USP48: variants seen among roughly 807,000 people sequenced by gnomAD.
The protein encoded by USP48 is ubiquitin specific peptidase 48.
Under a neutral mutation model 150.7 loss-of-function variants are expected in USP48, and 43 were observed. The ratio of observed to expected loss-of-function variants is 0.29; its 90% confidence interval spans 0.22 to 0.37. The LOEUF is 0.37. Ranked by LOEUF, USP48 falls within the 10% of genes least tolerant of loss-of-function variation. USP48 has a pLI of 1.00. For missense variants in USP48, 813 were observed against 1,249.6 expected (o/e 0.65, Z 5.27); for synonymous variants, 396 against 425.9 (o/e 0.93, Z 0.86).
At chr1:21,770,585 G>T (rs1212410249) in intron 1 of USP48, among the ~76,000 whole-genome samples, 1 of 149,932 alleles carries the variant, frequency 6.7e-6, no homozygotes, top group Non-Finnish European at 1.5e-5. Context: ...AGGTTCAAGC[G>T]ATTCTCCTGC....
chr1:21,747,541 G>C (rs1372072371), intron 7 of USP48, among the ~76,000 whole-genome samples: 2 of 151,904 alleles, frequency 1.3e-5, no homozygotes, highest in Admixed American at 6.6e-5. Flanking sequence ...CAATACAGAA[G>C]GTCAGGGTAA....
intron 23 of USP48, among the ~76,000 whole-genome samples, chr1:21,694,107 C>G (rs2097613605): frequency 6.6e-6 from 1 of 152,086 alleles, no homozygotes; most frequent in African/African-American, 2.4e-5. Context: ...ATTTATAGTA[C>G]TTCAGTATTG....
At chr1:21,697,518 C>A (rs1392301371) in intron 22 of USP48, among the ~76,000 whole-genome samples, 1 of 151,862 alleles carries the variant, frequency 6.6e-6, no homozygotes, top group Non-Finnish European at 1.5e-5. Flanking sequence ...AAAAAATTAG[C>A]CGGGCTTGGT....
intron 25 of USP48, chr1:21,686,476 T>C (rs1444400587): frequency 1.9e-5 from 2 of 107,272 alleles, no homozygotes; most frequent in Non-Finnish European, 3.8e-5. Context: ...GCTGATGTGA[T>C]GTATTGGTTT....
chr1:21,718,948 T>C (rs1029892704), intron 14 of USP48, among the ~76,000 whole-genome samples: 7 of 152,160 alleles, frequency 4.6e-5, no homozygotes, highest in African/African-American at 1.2e-4. Context: ...ATGAATTATA[T>C]AGCACAATAA....
chr1:21,679,989 C>T (rs1024306800), intron 26 of USP48, among the ~76,000 whole-genome samples: 9 of 152,158 alleles, frequency 5.9e-5, no homozygotes, highest in African/African-American at 1.4e-4. Context: ...CCACCATGCC[C>T]GGCCAATGAC....
intron 23 of USP48, among the ~76,000 whole-genome samples, chr1:21,694,585 AAAAAAAAAAAAAAAAAAAAAAAC>A (rs2097617436): frequency 3.2e-5 from 4 of 124,430 alleles, no homozygotes; most frequent in Admixed American, 8.1e-5. Flanking sequence ...AAAAAAAAAA[AAAAAAAAAAAAAAAAAAAAAAAC>A]CCCCTCTATC....
chr1:21,754,338 G>A (rs574293095), intron 3 of USP48, among the ~76,000 whole-genome samples: 19 of 152,194 alleles, frequency 1.2e-4, no homozygotes, highest in African/African-American at 4.3e-4. Flanking sequence ...TGTGGACTTG[G>A]GATCTCAAGC....
chr1:21,720,508 T>C (rs2097717274), intron 14 of USP48, among the ~76,000 whole-genome samples: 1 of 151,828 alleles, frequency 6.6e-6, no homozygotes, highest in African/African-American at 2.4e-5. Context: ...CCAATTTTGC[T>C]CATTTTTTGG....
At chr1:21,747,581 T>G (rs2097797666) in intron 7 of USP48, among the ~76,000 whole-genome samples, 2 of 152,156 alleles carry the variant, frequency 1.3e-5, no homozygotes, top group South Asian at 4.1e-4. Context: ...TCTTTCTTTT[T>G]TTTTTTCCAA....
Position 21,729,910 on chromosome 1 carries a change from A to G in USP48, c.1172-78T>C, listed in dbSNP as rs1000832988. On this transcript the variant is annotated intron_variant, in intron 9 of 26. Transcript: ENST00000308271. ...ATTCTTTAGCGGGGCTATAGAAAAC[A>G]ATTTCCAAAATATACACCCAAGACA... is the stretch of plus-strand genomic sequence containing the variant. 6 of 1,572,460 alleles carry G rather than the reference A, an allele frequency of 3.8e-6. No individual in the cohort carries two copies. The African/African-American group carries it at 8.1e-5, about 21-fold the overall frequency.
At chr1:21,741,759 T>C (rs1236738765) in intron 8 of USP48, among the ~76,000 whole-genome samples, 1 of 152,106 alleles carries the variant, frequency 6.6e-6, no homozygotes, top group Non-Finnish European at 1.5e-5. Context: ...GAGGACTGCT[T>C]AAGGCCGTAA....
intron 25 of USP48, among the ~76,000 whole-genome samples, chr1:21,683,705 A>G (rs546592223): frequency 6.6e-6 from 1 of 152,272 alleles, no homozygotes; most frequent in East Asian, 1.9e-4. Context: ...GAAATATACA[A>G]CATATCACCC....
chr1:21,722,637 G>A (rs2097724664), intron 12 of USP48, among the ~76,000 whole-genome samples: 1 of 151,936 alleles, frequency 6.6e-6, no homozygotes, highest in South Asian at 2.1e-4. Context: ...TTGAGCCTAG[G>A]AGTTCAAGAC....
intron 5 of USP48, 150 bp from the exon 6 acceptor site, chr1:21,751,765 A>C: frequency 1.5e-6 from 1 of 673,220 alleles, no homozygotes; most frequent in Non-Finnish European, 2.5e-6. Flanking sequence ...ATGAAATATA[A>C]TCCCAGCATT....
At chr1:21,692,313 T>G (rs1341692583) in intron 23 of USP48, among the ~76,000 whole-genome samples, 1 of 152,044 alleles carries the variant, frequency 6.6e-6, no homozygotes, top group East Asian at 1.9e-4. Context: ...CAGCTCAGCA[T>G]GCAAACATCA....
intron 26 of USP48, among the ~76,000 whole-genome samples, chr1:21,679,930 G>C (rs1421169883): frequency 6.6e-6 from 1 of 151,920 alleles, no homozygotes; most frequent in African/African-American, 2.4e-5. Flanking sequence ...CTGACCTCAA[G>C]TGACCCACCC....
In USP48 at chr1:21,701,592, T is replaced by C. The variant is rs2097657137; in HGVS notation, c.2633A>G (p.Asp878Gly). 1 of 1,613,640 alleles carries C rather than the reference T, an allele frequency of 6.2e-7. No homozygotes were observed. Among genetic ancestry groups the C allele is most frequent in the Non-Finnish European group, 8.5e-7 (1 of 1,179,756 alleles). Reference protein sequence around the residue: ...KVVDNKKVMKDSAPELNVSSS... With the variant: ...KVVDNKKVMKGSAPELNVSSS... The stretch of plus-strand genomic sequence containing the variant: ...ACTCACATTCAGTTCCGGAGCCGAA[T>C]CCTTCATCACCTGAATGTGCCAGGA... The change falls in exon 22 of 27, where the codon GAT becomes GGT. Residue 878 changes from aspartate (D) to glycine (G), a missense_variant. Asp to Gly is a moderately conservative substitution (Grantham distance 94). Transcript: ENST00000308271.
At chr1:21,751,721 T>C in intron 5 of USP48, 106 bp from the exon 6 acceptor site, 1 of 835,596 alleles carries the variant, frequency 1.2e-6, no homozygotes, top group Non-Finnish European at 1.9e-6. Context: ...TAACTTTCAT[T>C]AGTTCTCCTT....
Sources: gnomAD v4.1 joint callset for allele counts (sites outside exome capture counted in the v4.1 genomes callset) on GRCh38, gnomAD v4.1.1 for gene constraint, MANE v1.5 for transcripts, NCBI Gene and HGNC (gene_info 2026-07-23, HGNC 2026-07-21) for gene names.